CLEC12A: variants seen among roughly 807,000 people sequenced by gnomAD.
CLEC12A encodes the protein C-type lectin domain family 12 member A.
In CLEC12A, 22 loss-of-function variants were observed where a neutral mutation model predicts 26.5. That is an observed-to-expected ratio of 0.83 (90% confidence interval 0.59 to 1.19). The LOEUF (loss-of-function observed/expected upper bound fraction) is 1.19. CLEC12A is among the 50% of genes most tolerant of loss of function. CLEC12A has a pLI of 0.00. For missense variants in CLEC12A, 353 were observed against 315.6 expected, an observed-to-expected ratio of 1.12 and a Z score of -0.90; for synonymous variants, 119 against 101.9, an observed-to-expected ratio of 1.17 and a Z score of -1.01.
At chr12:9,995,688 G>T in exon 5 of CLEC12A, 1 of 233,720 alleles carries the variant, frequency 4.3e-6, no homozygotes, top group South Asian at 5.2e-5. Flanking sequence ...TCTTACATAT[G>T]GAAGTATTAA....
At chr12:9,977,711 G>A (rs531002732) in intron 1 of CLEC12A, among the ~76,000 whole-genome samples, 2 of 151,988 alleles carry the variant, frequency 1.3e-5, no homozygotes, top group Admixed American at 6.6e-5. Context: ...CTTTCTCCCT[G>A]TCTCACTTAT....
At chr12:9,968,628 C>T (rs1370251390), upstream of CLEC12A, among the ~76,000 whole-genome samples, 4 of 152,124 alleles carry the variant, frequency 2.6e-5, no homozygotes, top group African/African-American at 7.2e-5. Context: ...TGGATGTGTA[C>T]ATGCAGGTCA....
the CLEC12A span, among the ~76,000 whole-genome samples, chr12:10,003,906 A>T: frequency 6.6e-6 from 1 of 152,200 alleles, no homozygotes; most frequent in African/African-American, 2.4e-5. Context: ...ACAGAGCCAG[A>T]CCATCTCAAA....
chr12:9,967,478 G>C (rs898833646), upstream of CLEC12A, among the ~76,000 whole-genome samples: 2 of 152,174 alleles, frequency 1.3e-5, no homozygotes, highest in Non-Finnish European at 2.9e-5. Flanking sequence ...TTTTAGGTCA[G>C]CTGTGAATTG....
chr12:9,980,712 G>T lies in CLEC12A; in HGVS notation c.510G>T (p.Lys170Asn), dbSNP rs774089563. 6.2e-7 allele frequency: 1 copy of T among 1,613,530 alleles called. No individual in the cohort carries two copies. The highest frequency in any genetic ancestry group is 8.5e-7 in the Non-Finnish European group (1 of 1,179,690). The change falls in exon 4 of 6, where the codon AAG becomes AAT. Residue 170 changes from lysine (K) to asparagine (N), a missense_variant. Physicochemically the swap from Lys to Asn is moderately conservative, Grantham distance 94. Coordinates refer to ENST00000304361, the MANE Select transcript of CLEC12A (RefSeq NM_138337.6). The stretch of plus-strand genomic sequence containing the variant: ...CTGCTCAGAATGCCAGCCTGTTGAA[G>T]ATAAACAACAAAAATGCATTGGTAA... ...ACAAQNASLL[K>N]INNKNALEFI... is the part of the protein sequence containing the mutation.
downstream of CLEC12A, chr12:9,996,898 T>C (rs1865063311): frequency 1.2e-6 from 2 of 1,613,924 alleles, no homozygotes; most frequent in South Asian, 2.2e-5. Context: ...GTCAGTGCAG[T>C]ACTGCTTACT....
chr12:9,997,258 A>G (rs775550521), downstream of CLEC12A: 8 of 1,612,424 alleles, frequency 5.0e-6, no homozygotes, highest in Non-Finnish European at 6.8e-6. Flanking sequence ...CTCACCTTGT[A>G]GGTAATTGCG....
intron 4 of CLEC12A, among the ~76,000 whole-genome samples, chr12:9,994,089 G>A (rs1310816547): frequency 3.3e-5 from 5 of 152,082 alleles, no homozygotes; most frequent in Non-Finnish European, 7.4e-5. Context: ...GGGTTTAAGG[G>A]AGGCTAATTT....
intron 4 of CLEC12A, chr12:9,994,956 C>G (rs1274747382): frequency 1.4e-6 from 2 of 1,457,966 alleles, no homozygotes; most frequent in East Asian, 2.8e-5. Flanking sequence ...AGATAAAGAG[C>G]AAAGTAATGG....
chr12:9,976,839 G>A lies in CLEC12A; in HGVS notation c.92-2127G>A, dbSNP rs546333871. On this transcript the variant is annotated intron_variant, in intron 1 of 5. Coordinates refer to ENST00000304361, the MANE Select transcript of CLEC12A (RefSeq NM_138337.6). ...GAATCATATGGTAGGGGTGTTTCTC[G>A]TGCTGTTCCTGTGATAGTGAATAAG... Among the ~76,000 whole-genome samples the A allele has an allele frequency of 9.9e-5, 15 of 152,222 alleles. No homozygotes were observed. In the East Asian group the frequency reaches 1.2e-3, roughly 12 times the overall value.
At chr12:9,997,872 G>T (rs1344335267), downstream of CLEC12A, among the ~76,000 whole-genome samples, 1 of 152,042 alleles carries the variant, frequency 6.6e-6, no homozygotes, top group Non-Finnish European at 1.5e-5. Flanking sequence ...ATGAGAAACA[G>T]AAAATTTTAG....
the CLEC12A span, among the ~76,000 whole-genome samples, chr12:10,001,881 C>CTT: frequency 0.078 from 10,468 of 134,110 alleles, 599 homozygotes; most frequent in East Asian, 0.17. Flanking sequence ...TAAACAAAAT[C>CTT]TTTTTTTTTT....
At chr12:10,001,878 A>T in the CLEC12A span, among the ~76,000 whole-genome samples, 1 of 131,702 alleles carries the variant, frequency 7.6e-6, no homozygotes, top group South Asian at 2.3e-4. Flanking sequence ...AGCTAAACAA[A>T]ATCTTTTTTT....
chr12:10,005,422 A>G, the CLEC12A span, among the ~76,000 whole-genome samples: 3 of 152,190 alleles, frequency 2.0e-5, no homozygotes, highest in Non-Finnish European at 4.4e-5. Context: ...ACAATTGCCC[A>G]GGTTTCTTCC....
At chr12:9,974,259 C>T (rs1864245230) in intron 1 of CLEC12A, among the ~76,000 whole-genome samples, 1 of 152,156 alleles carries the variant, frequency 6.6e-6, no homozygotes, top group Non-Finnish European at 1.5e-5. Context: ...ACCATGCCTG[C>T]CTCTCCTCAT....
chr12:9,985,277 A>C lies in CLEC12A; in HGVS notation c.*251A>C, dbSNP rs568986599. On this transcript the variant is annotated 3_prime_UTR_variant, in exon 6 of 6. Transcript: ENST00000304361. Reference sequence around the variant, plus strand: ...TGAACCCTGGAGGAAGAGGAAGTCCATTCAGATAGTTGTGGGGGGCCTTCG... The same window carrying C: ...TGAACCCTGGAGGAAGAGGAAGTCCCTTCAGATAGTTGTGGGGGGCCTTCG... 9.9e-6 allele frequency: 4 copies of C among 405,066 alleles called. No homozygotes were observed. The highest frequency in any genetic ancestry group is 8.2e-5 in the African/African-American group (4 of 48,506). 25.1% of individuals were successfully genotyped at this position (405,066 alleles called of 1,614,324 possible).
downstream of CLEC12A, among the ~76,000 whole-genome samples, chr12:9,988,253 T>A (rs556573788): frequency 6.6e-6 from 1 of 152,178 alleles, no homozygotes; most frequent in African/African-American, 2.4e-5. Context: ...CCTAAAACCA[T>A]AAAAATCCTA....
At chr12:9,962,916 G>A (rs546522331) in intron 1 of CLEC12A, among the ~76,000 whole-genome samples, 1 of 152,204 alleles carries the variant, frequency 6.6e-6, no homozygotes, top group Admixed American at 6.5e-5. Flanking sequence ...AAAAATTTTG[G>A]GGGCTTGGTA....
chr12:9,984,370 G>A (rs1403304181), intron 5 of CLEC12A: 1 of 152,144 alleles, frequency 6.6e-6, no homozygotes, highest in Non-Finnish European at 1.5e-5. Context: ...CACTAATCTA[G>A]TATTTATGGG....
Sources: gnomAD v4.1 joint callset for allele counts (sites outside exome capture counted in the v4.1 genomes callset) on GRCh38, gnomAD v4.1.1 for gene constraint, MANE v1.5 for transcripts, NCBI Gene and HGNC (gene_info 2026-07-23, HGNC 2026-07-21) for gene names.